Variants in PUS1 observed in about 807,000 individuals in gnomAD.
PUS1 encodes the protein pseudouridine synthase 1, also known as pseudouridylate synthase 1 homolog.
A neutral mutation model predicts 38.5 loss-of-function variants in PUS1; 25 were observed. The observed-to-expected ratio is 0.65, with a 90% CI of 0.47 to 0.91. PUS1 has a LOEUF of 0.91. Ranked by LOEUF, PUS1 falls within the 40% of genes least tolerant of loss-of-function variation. The pLI, the probability that PUS1 is intolerant of heterozygous loss-of-function variation, is 0.00. For synonymous variants in PUS1, 282 were observed against 260.4 expected, an observed-to-expected ratio of 1.08 and a Z score of -0.80; for missense variants, 597 against 612.3, an observed-to-expected ratio of 0.97 and a Z score of 0.26.
chr12:131,932,067 T>G, intron 2 of PUS1, 108 bp from the exon 3 acceptor site: 1 of 935,858 alleles, frequency 1.1e-6, no homozygotes, highest in Non-Finnish European at 1.7e-6. Flanking sequence ...TCTCAGCACT[T>G]CAGGAGGCCA....
intron 3 of PUS1, among the ~76,000 whole-genome samples, chr12:131,936,054 T>TA (rs1890815034): frequency 6.6e-6 from 1 of 150,394 alleles, no homozygotes; most frequent in Admixed American, 6.6e-5. Flanking sequence ...CTACTAAAGA[T>TA]ACAAAAATTA....
intron 3 of PUS1, among the ~76,000 whole-genome samples, chr12:131,938,604 C>A (rs1319721147): frequency 6.6e-6 from 1 of 152,206 alleles, no homozygotes; most frequent in African/African-American, 2.4e-5. Flanking sequence ...CCCTCCCTTT[C>A]CTCCAGGGCC....
chr12:131,933,501 G>A (rs1890699922), intron 3 of PUS1, among the ~76,000 whole-genome samples: 1 of 152,222 alleles, frequency 6.6e-6, no homozygotes, highest in South Asian at 2.1e-4. Flanking sequence ...CTGTTTTGTG[G>A]TCTCAGCTGC....
chr12:131,931,841 TTATAGTC>T (rs1338895244), intron 2 of PUS1: 1 of 561,154 alleles, frequency 1.8e-6, no homozygotes, highest in Non-Finnish European at 3.2e-6. Flanking sequence ...ATAGATTACT[TTATAGTC>T]AATGTTTTTT....
At chr12:131,936,430 G>T (rs1464875649) in intron 3 of PUS1, among the ~76,000 whole-genome samples, 1 of 36,630 alleles carries the variant, frequency 2.7e-5, no homozygotes, top group Non-Finnish European at 7.1e-5. Flanking sequence ...AGGTGTGGTG[G>T]TGCACGCCTG....
intron 3 of PUS1, among the ~76,000 whole-genome samples, chr12:131,938,278 T>C (rs1890916496): frequency 6.6e-6 from 1 of 152,052 alleles, no homozygotes; most frequent in Admixed American, 6.6e-5. Flanking sequence ...ACCCTGTCTC[T>C]ACAAAAAAAA....
intron 2 of PUS1, among the ~76,000 whole-genome samples, chr12:131,931,148 G>T (rs1169520294): frequency 6.6e-6 from 1 of 152,146 alleles, no homozygotes; most frequent in Non-Finnish European, 1.5e-5. Context: ...TATGGTGAAA[G>T]TTATAAGTAA....
chr12:131,943,143 C>T (rs928728174), intron 5 of PUS1, among the ~76,000 whole-genome samples: 3 of 152,226 alleles, frequency 2.0e-5, no homozygotes, highest in Non-Finnish European at 2.9e-5. Flanking sequence ...TTCCCAAGCC[C>T]GGTGCAGGCT....
Position 131,941,030 on chromosome 12 carries a change from T to C in PUS1, c.545-262T>C, listed in dbSNP as rs928796875. 5 of 538,826 alleles carry C rather than the reference T, an allele frequency of 9.3e-6. No homozygotes were observed. The highest frequency in any genetic ancestry group is 3.8e-5 in the African/African-American group (2 of 52,936). The allele number at this position is 538,826 out of a possible 1,614,324, so 33.4% of individuals were successfully genotyped here. On this transcript the variant is annotated intron_variant, in intron 4 of 5. Transcript: ENST00000376649. The surrounding 1 kb of genome is among the most constrained non-coding windows in gnomAD (Gnocchi z 4.4). ...CTTTGTGTTGGAGACATTCCGTATC[T>C]TCTCACTATTGGAAAATTACAATAA...
At chr12:131,942,796 T>C (rs1593298119) in intron 5 of PUS1, among the ~76,000 whole-genome samples, 1 of 152,192 alleles carries the variant, frequency 6.6e-6, no homozygotes, top group Non-Finnish European at 1.5e-5. Context: ...CATCTAGATA[T>C]CTGTGAAAAG....
chr12:131,930,144 GC>G lies in PUS1; in HGVS notation c.303+12del. 7.1e-7 allele frequency: 1 copy of G among 1,415,366 alleles called. No homozygotes were observed. The allele number at this position is 1,415,366 out of a possible 1,614,324, so 87.7% of individuals were successfully genotyped here. A position where few individuals can be genotyped will look rare whatever the true frequency, so the allele number is the denominator to read the frequency against. On this transcript the variant is annotated intron_variant, in intron 2 of 5. Transcript: ENST00000376649. ...GCTACCACGGCATGCAGGTGTGGCC[GC>G]CCGGGAAGCGGCAGGTCCCGCGGGG...
rs532898168 is a variant in PUS1 at position 131,944,148 on chromosome 12, G to A, written c.*562G>A. ...GCTGCTCAGGAGGCTGAGGTGGGAG[G>A]ATTGCCTGAGTCTGGAGAAGTCGAG... On this transcript the variant is annotated 3_prime_UTR_variant, in exon 6 of 6. Coordinates refer to ENST00000376649, the MANE Select transcript of PUS1 (RefSeq NM_025215.6). 54 of 158,502 alleles carry A rather than the reference G, an allele frequency of 3.4e-4. No individual in the cohort carries two copies. The highest frequency in any genetic ancestry group is 1.1e-3 in the South Asian group (6 of 5,550). The allele number at this position is 158,502 out of a possible 1,614,324, so 9.8% of individuals were successfully genotyped here.
chr12:131,939,153 C>T lies in PUS1; in HGVS notation c.442-20C>T, dbSNP rs768334908. 2 of 1,528,860 alleles carry T rather than the reference C, an allele frequency of 1.3e-6. No individual in the cohort carries two copies. Among genetic ancestry groups the T allele is most frequent in the South Asian group, 2.4e-5 (2 of 83,852 alleles). 94.7% of individuals were successfully genotyped at this position (1,528,860 alleles called of 1,614,324 possible). A position where few individuals can be genotyped will look rare whatever the true frequency, so the allele number is the denominator to read the frequency against. On this transcript the variant is annotated intron_variant, in intron 3 of 5. Transcript: ENST00000376649. Reference sequence around the variant, plus strand: ...GCCCAAGGGACCCACCTTCCGTCACCCGTTCTGCTTTGTTTACAGGGTGTG... The same window carrying T: ...GCCCAAGGGACCCACCTTCCGTCACTCGTTCTGCTTTGTTTACAGGGTGTG...
rs1441156640 is a variant in PUS1 at position 131,941,562 on chromosome 12, T to C, written c.815T>C (p.Phe272Ser). Residue 272 changes from phenylalanine to serine, a missense_variant, in exon 5 of 6, where the codon TTT (phenylalanine) becomes TCT (serine). Phe to Ser is a radical substitution (Grantham distance 155). Transcript: ENST00000376649. The surrounding 1 kb of genome is among the most constrained non-coding windows in gnomAD (Gnocchi z 4.4). ...CTGGAGATGTACTGCGAGGAACCCT[T>C]TGTGCGGGAGGGCCTGGAGTTTGCG... ...YILEMYCEEP[F>S]VREGLEFAVI... is the part of the protein sequence containing the mutation. 6.2e-7 allele frequency: 1 copy of C among 1,614,050 alleles called. No individual in the cohort carries two copies. The highest frequency in any genetic ancestry group is 2.2e-5 in the East Asian group (1 of 44,872).
intron 3 of PUS1, among the ~76,000 whole-genome samples, chr12:131,936,292 G>A (rs1001000878): frequency 1.3e-5 from 2 of 151,950 alleles, no homozygotes; most frequent in African/African-American, 2.4e-5. Context: ...GGCTGGGCGC[G>A]GGGGCTTAGC....
chr12:131,942,532 G>A lies in PUS1; in HGVS notation c.1236+549G>A, dbSNP rs935718934. 5.3e-5 allele frequency among the ~76,000 whole-genome samples: 8 copies of A among 152,054 alleles called. 1 individual carries two copies. The highest frequency in any genetic ancestry group is 3.9e-4 in the East Asian group (2 of 5,150). On this transcript the variant is annotated intron_variant, in intron 5 of 5. Transcript: ENST00000376649. Reference sequence around the variant, plus strand: ...CGCCATTCTCCTGCCTCAGCCTCCCGAGTAGCTGGGACTACAGGCGCCCAC... The same window carrying A: ...CGCCATTCTCCTGCCTCAGCCTCCCAAGTAGCTGGGACTACAGGCGCCCAC...
rs763065931 is a variant in PUS1 at position 131,932,184 on chromosome 12, G to A, written c.313G>A (p.Gly105Arg). Reference sequence around the variant, plus strand: ...TGTCTCCTTTTTCCAGAGGAATGTCGGGTCCTCACAATTCAAAACAATTGA... The same window carrying A: ...TGTCTCCTTTTTCCAGAGGAATGTCAGGTCCTCACAATTCAAAACAATTGA... ...KGYHGMQRNV[G>R]SSQFKTIEDD... Residue 105 changes from glycine to arginine, a missense_variant, in exon 3 of 6, where the codon GGG (glycine) becomes AGG (arginine). Gly to Arg is a moderately radical substitution (Grantham distance 125). Coordinates refer to ENST00000376649, the MANE Select transcript of PUS1 (RefSeq NM_025215.6). 9 of 1,613,800 alleles carry A rather than the reference G, an allele frequency of 5.6e-6. No homozygotes were observed. The East Asian group carries it at 6.7e-5, about 12-fold the overall frequency.
chr12:131,942,449 C>T (rs905545859), intron 5 of PUS1, among the ~76,000 whole-genome samples: 2 of 152,120 alleles, frequency 1.3e-5, no homozygotes, highest in African/African-American at 4.8e-5. Context: ...TTCTGTCACC[C>T]AGGCTGGAGT....
chr12:131,937,445 A>G (rs1890879865), intron 3 of PUS1, among the ~76,000 whole-genome samples: 1 of 151,910 alleles, frequency 6.6e-6, no homozygotes, highest in Admixed American at 6.6e-5. Context: ...CACGATCTCA[A>G]CTCACTGCAA....
Sources: allele counts gnomAD v4.1 joint callset (sites outside exome capture counted in the v4.1 genomes callset), GRCh38; gene constraint gnomAD v4.1.1; non-coding constraint Gnocchi (gnomAD v3.1); transcripts MANE v1.5; gene names NCBI Gene and HGNC (gene_info 2026-07-23, HGNC 2026-07-21).